The following LIMK2 variants were observed in gnomAD, a reference collection of about 807,000 sequenced individuals.
The protein encoded by LIMK2 is LIM domain kinase 2.
Under a neutral mutation model 75.7 loss-of-function variants are expected in LIMK2, and 35 were observed. The observed-to-expected ratio is 0.46, with a 90% CI of 0.35 to 0.61. The LOEUF is 0.61. Ranked by LOEUF, LIMK2 falls within the 20% of genes least tolerant of loss-of-function variation. The pLI is 0.00. For synonymous variants in LIMK2, 301 were observed against 319.2 expected (o/e 0.94, Z 0.61); for missense variants, 623 against 831.0 (o/e 0.75, Z 3.08).
At chr22:31,255,892 G>A (rs1489298869) in intron 2 of LIMK2, among the ~76,000 whole-genome samples, 1 of 142,636 alleles carries the variant, frequency 7.0e-6, no homozygotes, top group Non-Finnish European at 1.5e-5. Context: ...GCTAGTGACA[G>A]TAAGTGGCTG....
chr22:31,249,187 G>A (rs1269028393), intron 2 of LIMK2, among the ~76,000 whole-genome samples: 1 of 152,230 alleles, frequency 6.6e-6, no homozygotes, highest in Admixed American at 6.5e-5. Context: ...GGCAGGTTTT[G>A]CCAAACTGTG....
intron 2 of LIMK2, among the ~76,000 whole-genome samples, chr22:31,234,719 C>CAAAA (rs35909225): frequency 1.5e-5 from 1 of 68,448 alleles, no homozygotes; most frequent in African/African-American, 4.8e-5. Flanking sequence ...GACTCCATCT[C>CAAAA]AAAAAAAAAA....
At chr22:31,254,091 A>ACTGGTG (rs748779285) in intron 2 of LIMK2, among the ~76,000 whole-genome samples, 30 of 152,192 alleles carry the variant, frequency 2.0e-4, no homozygotes, top group Non-Finnish European at 2.6e-4. Flanking sequence ...AGATATGTGG[A>ACTGGTG]CTGGTGACGT....
intron 11 of LIMK2, among the ~76,000 whole-genome samples, chr22:31,269,026 T>C (rs977824769): frequency 7.3e-6 from 1 of 137,140 alleles, no homozygotes; most frequent in Non-Finnish European, 1.6e-5. Flanking sequence ...TGACTGGCTT[T>C]TTGGTTTTTT....
intron 2 of LIMK2, chr22:31,248,401 G>A: frequency 7.3e-7 from 1 of 1,378,244 alleles, no homozygotes; most frequent in Admixed American, 2.3e-5. Flanking sequence ...ACCGGCCCCT[G>A]CTCAAGAATG....
At chr22:31,246,146 C>A (rs1441001858) in intron 2 of LIMK2, among the ~76,000 whole-genome samples, 1 of 150,106 alleles carries the variant, frequency 6.7e-6, no homozygotes, top group Non-Finnish European at 1.5e-5. Flanking sequence ...ACACTGCAGC[C>A]TGGGCAACAG....
intron 1 of LIMK2, 80 bp from the exon 2 acceptor site, chr22:31,225,640 G>T: frequency 9.8e-7 from 1 of 1,022,506 alleles, no homozygotes; most frequent in South Asian, 1.4e-5. Context: ...TGTTAACTCA[G>T]TCTTATTCTA....
At chr22:31,267,396 C>T (rs1016028874) in intron 9 of LIMK2, among the ~76,000 whole-genome samples, 28 of 152,314 alleles carry the variant, frequency 1.8e-4, no homozygotes, top group African/African-American at 6.7e-4. Context: ...CACCTGAACG[C>T]CCTGCTAAGG....
In LIMK2 at chr22:31,219,699, G is replaced by A. The variant is rs935712397; in HGVS notation, c.17-6021G>A. Among the ~76,000 whole-genome samples, 4 of 152,096 alleles carry A rather than the reference G, an allele frequency of 2.6e-5. 1 individual carries two copies. The highest frequency in any genetic ancestry group is 2.0e-4 in the Admixed American group (3 of 15,266). ...CCATTCTCCTGCTTCAGCCTCCCGA[G>A]TAGCTGGGACTACAGGCGCCCATCA... On this transcript the variant is annotated intron_variant, in intron 1 of 15. Coordinates refer to ENST00000331728, the MANE Select transcript of LIMK2 (RefSeq NM_005569.4).
At chr22:31,277,986 T>A (rs565942028) in intron 15 of LIMK2, among the ~76,000 whole-genome samples, 1 of 152,322 alleles carries the variant, frequency 6.6e-6, no homozygotes, top group Admixed American at 6.5e-5. Flanking sequence ...TCCGTGGCAC[T>A]AGGAGCCTGG....
chr22:31,272,500 G>A (rs2048969612), intron 12 of LIMK2, 30 bp from the exon 13 acceptor site: 2 of 1,573,976 alleles, frequency 1.3e-6, no homozygotes, highest in African/African-American at 1.4e-5. Flanking sequence ...ACATCCCCAT[G>A]AAGTCCTGAC....
At chr22:31,265,537 C>CAA (rs777523692) in intron 7 of LIMK2, among the ~76,000 whole-genome samples, 3 of 137,578 alleles carry the variant, frequency 2.2e-5, no homozygotes, top group East Asian at 2.0e-4. Flanking sequence ...GACTCTGTCT[C>CAA]AAAAAAAAAA....
chr22:31,229,996 C>A (rs2048513035), intron 2 of LIMK2: 1 of 151,956 alleles, frequency 6.6e-6, no homozygotes, highest in South Asian at 2.1e-4. Context: ...CCCAAGCCTT[C>A]CCAACAGGCC....
At chr22:31,260,150 C>A in intron 5 of LIMK2, 73 bp downstream of exon 5, 1 of 1,237,454 alleles carries the variant, frequency 8.1e-7, no homozygotes, top group South Asian at 1.5e-5. Flanking sequence ...GGGCTTAGAC[C>A]TCCAAAGTCT....
intron 2 of LIMK2, among the ~76,000 whole-genome samples, chr22:31,248,156 C>G (rs548589689): frequency 6.6e-6 from 1 of 152,224 alleles, no homozygotes; most frequent in African/African-American, 2.4e-5. Context: ...CCTTGCCCTT[C>G]CCTGAGCTCA....
chr22:31,255,161 C>T (rs916132624), intron 2 of LIMK2, among the ~76,000 whole-genome samples: 1 of 152,124 alleles, frequency 6.6e-6, no homozygotes, highest in African/African-American at 2.4e-5. Context: ...ATTGTTTGTC[C>T]TCTTGTTTCA....
intron 2 of LIMK2, among the ~76,000 whole-genome samples, chr22:31,246,183 G>GCACGCACACACA (rs1555886279): frequency 4.4e-5 from 6 of 135,096 alleles, no homozygotes; most frequent in Admixed American, 2.2e-4. Context: ...ACGCACGCAC[G>GCACGCACACACA]CACACACACA....
chr22:31,249,657 C>A lies in LIMK2; in HGVS notation c.117-8634C>A, dbSNP rs940534390. Among the ~76,000 whole-genome samples, 4 of 152,188 alleles carry A rather than the reference C, an allele frequency of 2.6e-5. No individual in the cohort carries two copies. The East Asian group carries it at 7.7e-4, about 29-fold the overall frequency. On this transcript the variant is annotated intron_variant, in intron 2 of 15. Transcript: ENST00000331728. ...GTTGTTCCAAAAAGGCTGCCTCCCC[C>A]TCACCAGTGGTCCTGGTCGACTTTT...
intron 14 of LIMK2, among the ~76,000 whole-genome samples, chr22:31,274,406 T>C (rs2048991165): frequency 1.3e-5 from 2 of 151,990 alleles, no homozygotes; most frequent in South Asian, 2.1e-4. Flanking sequence ...GTTTTGTTTT[T>C]GTTTTTGTTT....
Sources: gnomAD v4.1 joint callset for allele counts (sites outside exome capture counted in the v4.1 genomes callset) on GRCh38, gnomAD v4.1.1 for gene constraint, MANE v1.5 for transcripts, NCBI Gene and HGNC (gene_info 2026-07-23, HGNC 2026-07-21) for gene names.